The following ELK3 variants were observed in gnomAD, a reference collection of about 807,000 sequenced individuals.
ELK3 encodes ETS transcription factor ELK3.
In ELK3, 10 loss-of-function variants were observed where a neutral mutation model predicts 28.9. The ratio of observed to expected loss-of-function variants is 0.35; its 90% CI spans 0.21 to 0.59. ELK3 has a LOEUF of 0.59. Ranked by LOEUF, ELK3 falls within the 20% of genes least tolerant of loss-of-function variation. The pLI is 0.82. For synonymous variants in ELK3, 272 were observed against 243.5 expected (o/e 1.12, Z -1.09); for missense variants, 463 against 517.3 (o/e 0.90, Z 1.02).
chr12:96,206,096 A>G (rs140270704), intron 1 of ELK3, among the ~76,000 whole-genome samples: 2,126 of 152,274 alleles, frequency 0.014, 44 homozygotes, highest in Admixed American at 0.058. Flanking sequence ...TTTGATTTCA[A>G]TCAGAGCTGA....
chr12:96,254,989 C>T (rs1039357336), intron 3 of ELK3, among the ~76,000 whole-genome samples: 1 of 152,044 alleles, frequency 6.6e-6, no homozygotes, highest in Non-Finnish European at 1.5e-5. Flanking sequence ...GAGTGACAGT[C>T]TGAATTGTTT....
intron 1 of ELK3, among the ~76,000 whole-genome samples, chr12:96,204,824 T>C (rs1951529730): frequency 6.6e-6 from 1 of 152,230 alleles, no homozygotes; most frequent in Admixed American, 6.5e-5. Flanking sequence ...ACAATATTTC[T>C]CTGGTTAACG....
chr12:96,207,080 C>T (rs1327487938), intron 1 of ELK3, among the ~76,000 whole-genome samples: 1 of 152,150 alleles, frequency 6.6e-6, no homozygotes, highest in African/African-American at 2.4e-5. Context: ...CCAGGAACAC[C>T]AAGCTGTTTT....
intron 3 of ELK3, among the ~76,000 whole-genome samples, chr12:96,257,954 A>G (rs543597377): frequency 6.6e-6 from 1 of 152,262 alleles, no homozygotes; most frequent in Non-Finnish European, 1.5e-5. Flanking sequence ...ACCTAGCCAG[A>G]TAACTGCCTC....
chr12:96,266,796 T>A (rs12823514), intron 4 of ELK3, among the ~76,000 whole-genome samples: 7,885 of 152,238 alleles, frequency 0.052, 270 homozygotes, highest in Non-Finnish European at 0.064. Flanking sequence ...TAAAAAATAG[T>A]GTTAGAAGAT....
Position 96,246,995 on chromosome 12 carries a change from C to T in ELK3, c.263C>T (p.Pro88Leu), listed in dbSNP as rs745554876. 7 of 1,613,224 alleles carry T rather than the reference C, an allele frequency of 4.3e-6. No individual in the cohort carries two copies. The highest frequency in any genetic ancestry group is 5.9e-6 in the Non-Finnish European group (7 of 1,179,510). Residue 88 changes from proline to leucine, a missense_variant, in exon 3 of 5, where the codon CCG becomes CTG. Pro to Leu is a moderately conservative substitution (Grantham distance 98). Around this residue, in one of 2 missense-constraint regions of ELK3, gnomAD observed 55 missense variants for 102.5 expected, o/e 0.54. Transcript: ENST00000228741. ...QKFVYKFVSF[P>L]EILKMDPHAV... is the part of the protein sequence containing the mutation. ...TTTGTGTACAAGTTTGTCTCTTTCCCGGAGATCCTGAAGATGGATCCTCAC... is the reference window on the plus strand; with the variant it reads ...TTTGTGTACAAGTTTGTCTCTTTCCTGGAGATCCTGAAGATGGATCCTCAC...
At chr12:96,265,463 G>A (rs534651392) in intron 4 of ELK3, among the ~76,000 whole-genome samples, 4 of 152,256 alleles carry the variant, frequency 2.6e-5, no homozygotes, top group African/African-American at 9.6e-5. Context: ...AGGCAGGCCA[G>A]TTGCTTGAGC....
At chr12:96,207,105 T>TTAC (rs1250832233) in intron 1 of ELK3, among the ~76,000 whole-genome samples, 8 of 152,356 alleles carry the variant, frequency 5.3e-5, no homozygotes, top group Admixed American at 4.6e-4. Context: ...TGTGTTCCAC[T>TTAC]TACAGTTGTT....
In ELK3 at chr12:96,247,841, G is replaced by T; in HGVS notation, c.1002+107G>T. The T allele has an allele frequency of 7.6e-7, 1 of 1,309,014 alleles. No individual in the cohort carries two copies. The highest frequency in any genetic ancestry group is 1.6e-5 in the South Asian group (1 of 63,964). The allele number at this position is 1,309,014 out of a possible 1,614,324, so 81.1% of individuals were successfully genotyped here. ...TCTGTCCCTCAAAACGTTGTCCTAT[G>T]ACTCGTACCGAGGTCACTGTGTAAA... On this transcript the variant is annotated intron_variant, in intron 3 of 4. Transcript: ENST00000228741. The surrounding 1 kb of genome is among the most constrained non-coding windows in gnomAD (Gnocchi z 5.5).
At chr12:96,242,019 C>T (rs143947353) in intron 2 of ELK3, among the ~76,000 whole-genome samples, 72 of 152,312 alleles carry the variant, frequency 4.7e-4, no homozygotes, top group Middle Eastern at 3.4e-3. Context: ...ATGTGTGTAA[C>T]ACTCTAAAAC....
At chr12:96,252,998 C>T (rs1456655117) in intron 3 of ELK3, among the ~76,000 whole-genome samples, 2 of 152,342 alleles carry the variant, frequency 1.3e-5, no homozygotes, top group African/African-American at 2.4e-5. Flanking sequence ...CGCTGGCTCA[C>T]GCCTGTAATC....
intron 4 of ELK3, among the ~76,000 whole-genome samples, chr12:96,261,506 C>G (rs181396452): frequency 6.6e-6 from 1 of 152,294 alleles, no homozygotes; most frequent in East Asian, 1.9e-4. Context: ...CAGCAGAATT[C>G]TAAAATTAAT....
chr12:96,240,243 C>T (rs892825313), intron 2 of ELK3, among the ~76,000 whole-genome samples: 3 of 151,934 alleles, frequency 2.0e-5, no homozygotes, highest in African/African-American at 4.9e-5. Flanking sequence ...GCAGAATATG[C>T]GCAGCCTTCT....
intron 2 of ELK3, among the ~76,000 whole-genome samples, chr12:96,228,773 T>C (rs915503414): frequency 2.0e-4 from 30 of 152,194 alleles, no homozygotes; most frequent in Non-Finnish European, 4.0e-4. Flanking sequence ...TGGTGGGAGC[T>C]TTGTATCCAG....
rs931957882 is a variant in ELK3, at chr12:96,268,513, C to T, written c.*1333C>T. The T allele has an allele frequency of 6.6e-6, 1 of 152,112 alleles. No individual in the cohort carries two copies. Among genetic ancestry groups the T allele is most frequent in the African/African-American group, 2.4e-5 (1 of 41,392 alleles). 9.4% of individuals were successfully genotyped at this position (152,112 alleles called of 1,614,324 possible). ...TCTGTTCCATCAGAAAATCAGCAGG[C>T]ACCAGTCCAAAGGTACCACACCTGT... is the stretch of plus-strand genomic sequence containing the variant. On this transcript the variant is annotated 3_prime_UTR_variant, in exon 5 of 5. Transcript: ENST00000228741.
At chr12:96,233,185 C>T (rs533182747) in intron 2 of ELK3, among the ~76,000 whole-genome samples, 1 of 152,312 alleles carries the variant, frequency 6.6e-6, no homozygotes, top group South Asian at 2.1e-4. Flanking sequence ...AGGATGGGCT[C>T]TGGTATCCCC....
chr12:96,247,624 GAAAT>G lies in ELK3; in HGVS notation c.893_896del (p.Glu298AlafsTer43). 6.2e-7 allele frequency: 1 copy of G among 1,613,466 alleles called. No homozygotes were observed. The highest frequency in any genetic ancestry group is 8.5e-7 in the Non-Finnish European group (1 of 1,180,022). On this transcript the variant is annotated frameshift_variant, in exon 3 of 5. Coordinates refer to ENST00000228741, the MANE Select transcript of ELK3 (RefSeq NM_005230.4). LOFTEE classifies it high-confidence loss of function. The surrounding 1 kb of genome is among the most constrained non-coding windows in gnomAD (Gnocchi z 5.5). ...AAAGGCCAAAAAACCCAAAGGCTTG[GAAAT>G]CTCAGCGCCCCCGCTGGTGCTCTCC...
At chr12:96,223,432 A>ACT in intron 1 of ELK3, 133 bp from the exon 2 acceptor site, 1 of 787,472 alleles carries the variant, frequency 1.3e-6, no homozygotes, top group South Asian at 1.7e-5. Context: ...ATGGAAGTGA[A>ACT]AGCTACTTTT....
At chr12:96,208,891 A>G (rs1021805335) in intron 1 of ELK3, among the ~76,000 whole-genome samples, 1 of 152,248 alleles carries the variant, frequency 6.6e-6, no homozygotes, top group African/African-American at 2.4e-5. Context: ...GAAGGTGCAC[A>G]GATGGTTGGG....
Sources: gnomAD v4.1 joint callset for allele counts (sites outside exome capture counted in the v4.1 genomes callset) on GRCh38, gnomAD v4.1.1 for gene constraint, gnomAD v4.1.1 regional missense constraint, Gnocchi (gnomAD v3.1) non-coding constraint, MANE v1.5 for transcripts, NCBI Gene and HGNC (gene_info 2026-07-23, HGNC 2026-07-21) for gene names.